Variants in SPDYE14 observed in about 807,000 individuals in gnomAD.
SPDYE14 encodes speedy/RINGO cell cycle regulator family member E14, also known as speedy protein E14.
the SPDYE14 span, among the ~76,000 whole-genome samples, chr7:75,275,156 C>T: frequency 1.7e-5 from 1 of 60,098 alleles, no homozygotes; most frequent in African/African-American, 4.0e-5. Context: ...AGGTGAGGGG[C>T]GCCTCTGCCC....
chr7:75,278,115 C>T, the SPDYE14 span, among the ~76,000 whole-genome samples: 1 of 58,984 alleles, frequency 1.7e-5, no homozygotes, highest in Non-Finnish European at 4.4e-5. Context: ...TCTCCCTCTC[C>T]GCTCCTCTAT....
the SPDYE14 span, among the ~76,000 whole-genome samples, chr7:75,247,464 AAG>A: frequency 8.7e-6 from 1 of 115,002 alleles, no homozygotes; most frequent in East Asian, 2.1e-4. Context: ...AAGAAAGAAA[AAG>A]AGAAAGAAAG....
chr7:75,245,428 G>GAA, the SPDYE14 span, among the ~76,000 whole-genome samples: 33 of 67,738 alleles, frequency 4.9e-4, no homozygotes, highest in African/African-American at 7.8e-4. Flanking sequence ...ATGTCTCAAA[G>GAA]AAAAAAAAAA....
the SPDYE14 span, among the ~76,000 whole-genome samples, chr7:75,279,180 GGT>G: frequency 0.016 from 1,069 of 68,666 alleles, 23 homozygotes; most frequent in African/African-American, 0.065. Flanking sequence ...GTTCTAGAGA[GGT>G]GTGTGTGCAG....
the SPDYE14 span, among the ~76,000 whole-genome samples, chr7:75,251,800 A>C: frequency 7.2e-5 from 1 of 13,902 alleles, no homozygotes; most frequent in Non-Finnish European, 1.9e-4. Context: ...ATATGGTGAA[A>C]CCCCATCTCT....
chr7:75,237,697 G>C, the SPDYE14 span: 1 of 107,508 alleles, frequency 9.3e-6, no homozygotes, highest in Non-Finnish European at 2.2e-5. Flanking sequence ...GGTGTTCGCT[G>C]TAACAAACAA....
chr7:75,271,300 G>A, the SPDYE14 span, among the ~76,000 whole-genome samples: 1 of 52,346 alleles, frequency 1.9e-5, no homozygotes, highest in African/African-American at 4.5e-5. Context: ...AGCCTGGGAG[G>A]TTGAGGCTGC....
chr7:75,300,916 T>C, the SPDYE14 span, among the ~76,000 whole-genome samples: 1 of 70 alleles, frequency 0.014, no homozygotes, highest in African/African-American at 0.018. Context: ...TGAGCCACCA[T>C]GCCCAGCCCA....
chr7:75,261,453 C>CT, the SPDYE14 span, among the ~76,000 whole-genome samples: 7,014 of 39,940 alleles, frequency 0.18, 726 homozygotes, highest in Middle Eastern at 0.35. Flanking sequence ...TCAAGAACAC[C>CT]TTTTTTTTTT....
the SPDYE14 span, chr7:75,237,584 G>A: frequency 2.3e-5 from 1 of 42,860 alleles, no homozygotes; most frequent in African/African-American, 5.3e-5. Context: ...CCGCCAAGTT[G>A]CAAGGGGGAG....
the SPDYE14 span, among the ~76,000 whole-genome samples, chr7:75,251,114 C>CA: frequency 2.3e-3 from 110 of 48,462 alleles, 33 homozygotes; most frequent in Middle Eastern, 0.018. Flanking sequence ...TGATAGTGTA[C>CA]AAAAAAAAAT....
At chr7:75,265,255 A>G in the SPDYE14 span, among the ~76,000 whole-genome samples, 1 of 96,544 alleles carries the variant, frequency 1.0e-5, no homozygotes, top group South Asian at 3.4e-4. Context: ...GCACACCACC[A>G]TGCCTGGCTA....
At chr7:75,241,693 ATAT>A in the SPDYE14 span, among the ~76,000 whole-genome samples, 2 of 22,706 alleles carry the variant, frequency 8.8e-5, no homozygotes, top group African/African-American at 2.1e-4. Flanking sequence ...ATATATATAT[ATAT>A]TTTTTTTTTT....
At chr7:75,250,138 TCTC>T in the SPDYE14 span, among the ~76,000 whole-genome samples, 1 of 68,596 alleles carries the variant, frequency 1.5e-5, no homozygotes, top group Non-Finnish European at 3.2e-5. Flanking sequence ...ATGTCTGTAA[TCTC>T]CGCACTTTGG....
the SPDYE14 span, among the ~76,000 whole-genome samples, chr7:75,272,748 T>C: frequency 1.8e-5 from 1 of 56,320 alleles, no homozygotes; most frequent in African/African-American, 4.2e-5. Context: ...TAGCTGGGTG[T>C]GGTGGTGGGC....
At chr7:75,241,712 T>TTTTTTTA in the SPDYE14 span, among the ~76,000 whole-genome samples, 1 of 26,354 alleles carries the variant, frequency 3.8e-5, no homozygotes, top group Non-Finnish European at 9.5e-5. Context: ...TTTTTTTTTT[T>TTTTTTTA]GAGACAGGGT....
the SPDYE14 span, among the ~76,000 whole-genome samples, chr7:75,251,114 CA>C: frequency 4.1e-5 from 2 of 48,382 alleles, no homozygotes; most frequent in African/African-American, 1.1e-4. Flanking sequence ...TGATAGTGTA[CA>C]AAAAAAAATT....
the SPDYE14 span, among the ~76,000 whole-genome samples, chr7:75,257,407 G>A: frequency 2.1e-5 from 1 of 46,764 alleles, no homozygotes; most frequent in African/African-American, 6.1e-5. Context: ...AAGGAAACGG[G>A]TGTGTGTCCA....
chr7:75,249,578 TTTCCTTCC>T, the SPDYE14 span, among the ~76,000 whole-genome samples: 347 of 60,242 alleles, frequency 5.8e-3, 7 homozygotes, highest in African/African-American at 1.0e-2. Context: ...TCCTTCCTTC[TTTCCTTCC>T]TTCCTTCCTT....
Sources: allele counts gnomAD v4.1 joint callset (sites outside exome capture counted in the v4.1 genomes callset), GRCh38; gene constraint gnomAD v4.1.1; transcripts MANE v1.5; gene names NCBI Gene and HGNC (gene_info 2026-07-23, HGNC 2026-07-21).